PIWIL1: variants seen among roughly 807,000 people sequenced by gnomAD.
PIWIL1 encodes piwi like RNA-mediated gene silencing 1, also known as piwi-like protein 1.
In PIWIL1, 73 loss-of-function variants were observed where a neutral mutation model predicts 114.4. That is an observed-to-expected ratio of 0.64 (90% confidence interval 0.53 to 0.78). The LOEUF is 0.78. Ranked by LOEUF, PIWIL1 falls within the 30% of genes least tolerant of loss-of-function variation. PIWIL1 has a pLI of 0.00. For synonymous variants in PIWIL1, 375 were observed against 369.0 expected, an observed-to-expected ratio of 1.02 and a Z score of -0.19; for missense variants, 723 against 1,063.1, an observed-to-expected ratio of 0.68 and a Z score of 4.45.
chr12:130,342,180 G>GTGTC (rs1555226464), intron 1 of PIWIL1: 1 of 182,720 alleles, frequency 5.5e-6, no homozygotes, highest in South Asian at 1.3e-4. Context: ...GTGTGTGTGT[G>GTGTC]TGTGTGTGTG....
chr12:130,422,560 A>G, the PIWIL1 span: 1 of 1,599,892 alleles, frequency 6.3e-7, no homozygotes, highest in Non-Finnish European at 8.5e-7. This position sits in a 1 kb window ranked among gnomAD's most constrained non-coding sequence, Gnocchi z 5.2. Flanking sequence ...GTTCCCTAAA[A>G]TCTAAAGACA....
chr12:130,418,536 G>A, the PIWIL1 span, among the ~76,000 whole-genome samples: 2 of 152,172 alleles, frequency 1.3e-5, no homozygotes, highest in African/African-American at 4.8e-5. Context: ...GTGTGATCTA[G>A]TGAATGCAGT....
At chr12:130,340,632 T>TGGGGGGGGGGGGGGGGG (rs2072887941) in intron 1 of PIWIL1, among the ~76,000 whole-genome samples, 1 of 48,850 alleles carries the variant, frequency 2.0e-5, no homozygotes, top group African/African-American at 2.7e-4. Context: ...TGGTGGTGGT[T>TGGGGGGGGGGGGGGGGG]GGGGGAGGGG....
chr12:130,408,527 ACT>A, the PIWIL1 span, among the ~76,000 whole-genome samples: 2 of 152,102 alleles, frequency 1.3e-5, no homozygotes, highest in Non-Finnish European at 2.9e-5. Context: ...ATCCCAGCAC[ACT>A]CAGAAGCATA....
chr12:130,417,428 C>T, the PIWIL1 span, among the ~76,000 whole-genome samples: 1 of 152,196 alleles, frequency 6.6e-6, no homozygotes, highest in African/African-American at 2.4e-5. Flanking sequence ...AAATCACGTC[C>T]TCTGCAGCCA....
At chr12:130,393,465 T>TGG in the PIWIL1 span, among the ~76,000 whole-genome samples, 12 of 109,386 alleles carry the variant, frequency 1.1e-4, no homozygotes, top group East Asian at 5.3e-4. Flanking sequence ...TGTCATCACG[T>TGG]GTCCGTCAGT....
At position 130,349,771 on chromosome 12, in the gene PIWIL1, GAGAATACATGCTGTCTAGTCT is replaced by G. The variant is rs2073166277; in HGVS notation, c.933-84_933-64del. 6.4e-6 allele frequency: 5 copies of G among 782,510 alleles called. No individual in the cohort carries two copies. The East Asian group carries it at 1.3e-4, about 20-fold the overall frequency. 48.5% of individuals were successfully genotyped at this position (782,510 alleles called of 1,614,324 possible). ...TATAACCAGGTGATTTGAAATTTTAGAGAATACATGCTGTCTAGTCTCTCTTTTTAATATTAGTTCTTCACA... is the reference window on the plus strand; with the variant it reads ...TATAACCAGGTGATTTGAAATTTTAGCTCTTTTTAATATTAGTTCTTCACA... On this transcript the variant is annotated intron_variant, in intron 8 of 20. Coordinates refer to ENST00000245255, the MANE Select transcript of PIWIL1 (RefSeq NM_004764.5).
the PIWIL1 span, among the ~76,000 whole-genome samples, chr12:130,391,360 C>G: frequency 6.6e-6 from 1 of 152,150 alleles, no homozygotes; most frequent in Non-Finnish European, 1.5e-5. Flanking sequence ...GAGATTACGC[C>G]CCAAATCTGA....
At chr12:130,345,622 T>TAG in intron 3 of PIWIL1, 131 bp from the exon 4 acceptor site, 1 of 895,726 alleles carries the variant, frequency 1.1e-6, no homozygotes, top group South Asian at 1.8e-5. Flanking sequence ...AACATGTTGA[T>TAG]AGGATTGTTT....
chr12:130,368,528 G>A (rs1323949230), intron 19 of PIWIL1, among the ~76,000 whole-genome samples: 1 of 152,102 alleles, frequency 6.6e-6, no homozygotes, highest in African/African-American at 2.4e-5. Context: ...ATTGGCTTAG[G>A]TTAGGTTATG....
In PIWIL1 at chr12:130,363,022, G is replaced by A; in HGVS notation, c.2073G>A (p.Glu691=). Residue 691 remains glutamate, a synonymous_variant, in exon 18 of 21, where the codon GAG becomes GAA. Coordinates refer to ENST00000245255, the MANE Select transcript of PIWIL1 (RefSeq NM_004764.5). The part of the protein sequence containing the change: ...AALRAWNSCN[E]YMPSRIIVYR... ...TGAGGGCTTGGAATAGCTGCAATGA[G>A]TACATGCCCAGCCGGATCATCGTGT... 1 of 1,614,246 alleles carries A rather than the reference G, an allele frequency of 6.2e-7. No homozygotes were observed. Among genetic ancestry groups the A allele is most frequent in the Non-Finnish European group, 8.5e-7 (1 of 1,180,052 alleles).
At chr12:130,358,682 AC>A (rs1198872190) in intron 14 of PIWIL1, among the ~76,000 whole-genome samples, 1 of 151,812 alleles carries the variant, frequency 6.6e-6, no homozygotes, top group African/African-American at 2.4e-5. Context: ...GGGGAAAATT[AC>A]CCCCCTTTTC....
the PIWIL1 span, among the ~76,000 whole-genome samples, chr12:130,382,599 A>G: frequency 3.3e-5 from 5 of 152,354 alleles, no homozygotes; most frequent in East Asian, 9.6e-4. Context: ...GACAAGCAAA[A>G]TGATTTTCTG....
chr12:130,410,246 G>A, the PIWIL1 span, among the ~76,000 whole-genome samples: 1 of 152,168 alleles, frequency 6.6e-6, no homozygotes, highest in Non-Finnish European at 1.5e-5. Context: ...TCTTATTGAT[G>A]AGTTTTGAAA....
In PIWIL1 at chr12:130,341,908, G is replaced by A. The variant is rs893422392; in HGVS notation, c.-12-672G>A. On this transcript the variant is annotated intron_variant, in intron 1 of 20. Transcript: ENST00000245255. ...AGAAATGGAGAGAACGGTCCTGGCA[G>A]ATGTAGGAGAAATAAAGGAGTGGTT... 6.6e-5 allele frequency among the ~76,000 whole-genome samples: 10 copies of A among 152,184 alleles called. 1 individual carries two copies. The highest frequency in any genetic ancestry group is 6.5e-4 in the Admixed American group (10 of 15,282).
At chr12:130,367,665 G>GT (rs1400160924) in intron 19 of PIWIL1, among the ~76,000 whole-genome samples, 4 of 152,330 alleles carry the variant, frequency 2.6e-5, no homozygotes, top group African/African-American at 9.6e-5. Flanking sequence ...GTGCTTATGA[G>GT]TAAAGTGGCT....
chr12:130,414,039 T>C, the PIWIL1 span: 1 of 1,403,006 alleles, frequency 7.1e-7, no homozygotes, highest in African/African-American at 1.4e-5. Flanking sequence ...CATCTCTAAG[T>C]CGATACCCTG....
At position 130,349,849 on chromosome 12, in the gene PIWIL1, TC is replaced by T; in HGVS notation, c.933-4del. The T allele has an allele frequency of 6.7e-7, 1 of 1,486,406 alleles. No homozygotes were observed. The highest frequency in any genetic ancestry group is 9.3e-7 in the Non-Finnish European group (1 of 1,072,478). The allele number at this position is 1,486,406 out of a possible 1,614,324, so 92.1% of individuals were successfully genotyped here. ...TCAAATGCAGTCAAATCTCAACTGA[TC>T]CCTAGGTATAACAATAAGACATACA... On this transcript the variant is annotated splice_polypyrimidine_tract_variant and splice_region_variant and intron_variant, in intron 8 of 20. Transcript: ENST00000245255.
At chr12:130,424,667 C>T in the PIWIL1 span, 2 of 1,231,944 alleles carry the variant, frequency 1.6e-6, no homozygotes, top group Non-Finnish European at 1.0e-6. This position sits in a 1 kb window ranked among gnomAD's most constrained non-coding sequence, Gnocchi z 9.8. Context: ...GCCTGCCGGG[C>T]CTGGGCTCTC....
Sources: allele counts gnomAD v4.1 joint callset (sites outside exome capture counted in the v4.1 genomes callset), GRCh38; gene constraint gnomAD v4.1.1; non-coding constraint Gnocchi (gnomAD v3.1); transcripts MANE v1.5; gene names NCBI Gene and HGNC (gene_info 2026-07-23, HGNC 2026-07-21).